Variants in PKNOX2 observed in about 807,000 individuals in gnomAD.
PKNOX2 encodes homeobox protein PKNOX2.
A neutral mutation model predicts 53.1 loss-of-function variants in PKNOX2; 14 were observed. That is an observed-to-expected ratio of 0.26 (90% CI 0.17 to 0.41). The LOEUF (loss-of-function observed/expected upper bound fraction) is 0.41. Ranked by LOEUF, PKNOX2 falls within the 10% of genes least tolerant of loss-of-function variation. PKNOX2 has a pLI of 1.00. For synonymous variants in PKNOX2, 257 were observed against 242.8 expected, an observed-to-expected ratio of 1.06 and a Z score of -0.54; for missense variants, 496 against 602.8, an observed-to-expected ratio of 0.82 and a Z score of 1.85.
chr11:125,175,497 C>T (rs1248330431), intron 1 of PKNOX2, among the ~76,000 whole-genome samples: 3 of 152,202 alleles, frequency 2.0e-5, no homozygotes, highest in African/African-American at 7.2e-5. Flanking sequence ...GCAGGACCTC[C>T]AGCGTGAAGG....
At chr11:125,292,641 G>A (rs553750004) in intron 2 of PKNOX2, among the ~76,000 whole-genome samples, 5 of 152,204 alleles carry the variant, frequency 3.3e-5, no homozygotes, top group South Asian at 4.1e-4. Flanking sequence ...GAACGGAGCA[G>A]GTCTAGCCAT....
intron 1 of PKNOX2, among the ~76,000 whole-genome samples, chr11:125,205,263 G>A (rs572413605): frequency 2.6e-5 from 4 of 152,310 alleles, no homozygotes; most frequent in Non-Finnish European, 4.4e-5. Context: ...TTTAATGAAA[G>A]TGTATTGTTG....
chr11:125,411,647 A>G, intron 9 of PKNOX2, 99 bp from the exon 10 acceptor site: 1 of 1,595,908 alleles, frequency 6.3e-7, no homozygotes, highest in Non-Finnish European at 8.6e-7. Context: ...GAGCCGGGAA[A>G]GGGGCTGGCA....
intron 2 of PKNOX2, among the ~76,000 whole-genome samples, chr11:125,302,399 A>G (rs929779027): frequency 2.6e-5 from 4 of 152,134 alleles, no homozygotes; most frequent in Admixed American, 2.6e-4. Context: ...TCTGCTATGC[A>G]CACTCTCCTC....
chr11:125,323,636 T>C (rs1023770581), intron 2 of PKNOX2, among the ~76,000 whole-genome samples: 2 of 152,352 alleles, frequency 1.3e-5, no homozygotes, highest in African/African-American at 4.8e-5. Context: ...TCCTCTGCGT[T>C]CCTTAATAAC....
At chr11:125,206,904 G>C (rs186423415) in intron 1 of PKNOX2, among the ~76,000 whole-genome samples, 15 of 152,042 alleles carry the variant, frequency 9.9e-5, no homozygotes, top group African/African-American at 3.4e-4. Flanking sequence ...CAGGAAACCA[G>C]TTAGAGACCT....
chr11:125,400,811 G>A (rs1311326436), intron 7 of PKNOX2, among the ~76,000 whole-genome samples: 6 of 152,110 alleles, frequency 3.9e-5, no homozygotes, highest in Non-Finnish European at 8.8e-5. Flanking sequence ...AGATCCCTGT[G>A]TTCATCTCAT....
chr11:125,324,471 A>T (rs1464526495), intron 2 of PKNOX2, among the ~76,000 whole-genome samples: 1 of 152,202 alleles, frequency 6.6e-6, no homozygotes. Context: ...TACAAAATAC[A>T]TCTTAGGCTC....
intron 1 of PKNOX2, among the ~76,000 whole-genome samples, chr11:125,203,795 A>G (rs2874374): frequency 0.23 from 34,420 of 152,056 alleles, 4,229 homozygotes; most frequent in African/African-American, 0.33. Flanking sequence ...ACTGCATGGC[A>G]CCTGGAGAGT....
chr11:125,176,308 C>T (rs1158159902), intron 1 of PKNOX2, among the ~76,000 whole-genome samples: 2 of 152,238 alleles, frequency 1.3e-5, no homozygotes, highest in African/African-American at 4.8e-5. Context: ...TTGCCAGTCA[C>T]ATTCACTAGA....
chr11:125,189,431 GTGTGTGTGTGTGTGTGTATA>G (rs1565465063), intron 1 of PKNOX2, among the ~76,000 whole-genome samples: 6 of 83,698 alleles, frequency 7.2e-5, no homozygotes, highest in Non-Finnish European at 1.4e-4. Flanking sequence ...GTGTGTGTGT[GTGTGTGTGTGTGTGTGTATA>G]TATATATATA....
chr11:125,270,488 A>G (rs1945708448), intron 2 of PKNOX2, among the ~76,000 whole-genome samples: 1 of 152,158 alleles, frequency 6.6e-6, no homozygotes, highest in Non-Finnish European at 1.5e-5. Context: ...CCTATTGAAT[A>G]TCTTCTGTAA....
At position 125,165,737 on chromosome 11, in the gene PKNOX2, G is replaced by A. The variant is rs902276473; in HGVS notation, c.-201+961G>A. On this transcript the variant is annotated intron_variant, in intron 1 of 12. Coordinates refer to ENST00000298282, the MANE Select transcript of PKNOX2 (RefSeq NM_001382323.2). The surrounding 1 kb of genome is among the most constrained non-coding windows in gnomAD (Gnocchi z 4.5). ...TTTGGTGAGGCGGGCGTAGGGGCCC[G>A]CGCGAGGCTTGGGAATCGGGAGCCC... Among the ~76,000 whole-genome samples the A allele has an allele frequency of 4.6e-5, 7 of 152,306 alleles. No individual in the cohort carries two copies. Among genetic ancestry groups the A allele is most frequent in the African/African-American group, 1.7e-4 (7 of 41,584 alleles).
chr11:125,391,712 A>C (rs1954061860), intron 6 of PKNOX2, among the ~76,000 whole-genome samples: 1 of 152,224 alleles, frequency 6.6e-6, no homozygotes, highest in African/African-American at 2.4e-5. Flanking sequence ...AGGAGACTAA[A>C]ATGTGAGGTT....
chr11:125,403,084 CAGAG>C (rs940127844), intron 7 of PKNOX2, among the ~76,000 whole-genome samples: 2 of 152,114 alleles, frequency 1.3e-5, no homozygotes, highest in African/African-American at 4.8e-5. Context: ...AGGCGAGAAA[CAGAG>C]AGAGCCAATC....
chr11:125,264,330 C>G lies in PKNOX2; in HGVS notation c.-130+29215C>G, dbSNP rs534259737. On this transcript the variant is annotated intron_variant, in intron 2 of 12. Transcript: ENST00000298282. ...CCCAGGAAACTGGATGATGCTAGAG[C>G]TCCTTCCCCAGATCCCTTGGAATGC... Among the ~76,000 whole-genome samples, 15 of 152,320 alleles carry G rather than the reference C, an allele frequency of 9.8e-5. No individual in the cohort carries two copies. The East Asian group carries it at 2.9e-3, about 29-fold the overall frequency.
At chr11:125,205,726 CTG>C (rs760067950) in intron 1 of PKNOX2, among the ~76,000 whole-genome samples, 57 of 152,192 alleles carry the variant, frequency 3.7e-4, no homozygotes, top group Non-Finnish European at 6.3e-4. Context: ...CTTCCCCAGA[CTG>C]TGTTAAATTA....
At chr11:125,286,757 T>G (rs1470301323) in intron 2 of PKNOX2, among the ~76,000 whole-genome samples, 1 of 152,242 alleles carries the variant, frequency 6.6e-6, no homozygotes. Context: ...TTGGGTTCTG[T>G]CTGGGAGGGA....
At chr11:125,220,106 C>T (rs1171060128) in intron 1 of PKNOX2, among the ~76,000 whole-genome samples, 5 of 149,946 alleles carry the variant, frequency 3.3e-5, no homozygotes, top group Non-Finnish European at 7.4e-5. Flanking sequence ...TGATAAAGAT[C>T]TCCAAAATAT....
Sources: gnomAD v4.1 joint callset for allele counts (sites outside exome capture counted in the v4.1 genomes callset) on GRCh38, gnomAD v4.1.1 for gene constraint, Gnocchi (gnomAD v3.1) non-coding constraint, MANE v1.5 for transcripts, NCBI Gene and HGNC (gene_info 2026-07-23, HGNC 2026-07-21) for gene names.